The following IQCM variants were observed in gnomAD, a reference collection of about 807,000 sequenced individuals.
The protein encoded by IQCM is IQ motif containing M.
In IQCM, 45 loss-of-function variants were observed where a neutral mutation model predicts 57.6. The observed-to-expected ratio is 0.78, with a 90% confidence interval of 0.62 to 1.00. IQCM has a LOEUF of 1.00. Among genes scored for constraint, IQCM ranks in the 50% least tolerant of loss-of-function variants. The probability of loss-of-function intolerance (pLI) is 0.00; values close to 1 mark genes in which losing one functional copy is unlikely to be tolerated. For missense variants in IQCM, 468 were observed against 511.6 expected, an observed-to-expected ratio of 0.91 and a Z score of 0.82; for synonymous variants, 148 against 158.9, an observed-to-expected ratio of 0.93 and a Z score of 0.51.
At chr4:149,415,293 A>T (rs1578982562) in intron 13 of IQCM, among the ~76,000 whole-genome samples, 1 of 152,180 alleles carries the variant, frequency 6.6e-6, no homozygotes, top group Non-Finnish European at 1.5e-5. Context: ...AATTGATGAT[A>T]CCACTATATG....
At chr4:149,506,649 A>G (rs1435677710) in intron 12 of IQCM, among the ~76,000 whole-genome samples, 1 of 152,232 alleles carries the variant, frequency 6.6e-6, no homozygotes, top group East Asian at 1.9e-4. Context: ...GAATATAAAA[A>G]GCCATAGTAC....
intron 12 of IQCM, among the ~76,000 whole-genome samples, chr4:149,510,439 C>T (rs1278802996): frequency 6.6e-6 from 1 of 152,082 alleles, no homozygotes; most frequent in African/African-American, 2.4e-5. Context: ...CACTGTTTTT[C>T]ACTCTTTTAC....
intron 5 of IQCM, among the ~76,000 whole-genome samples, chr4:149,723,470 T>C (rs1765622871): frequency 6.6e-6 from 1 of 152,022 alleles, no homozygotes; most frequent in Non-Finnish European, 1.5e-5. Flanking sequence ...TTTATATTCT[T>C]AGTTTGTTGA....
chr4:149,778,505 A>G (rs1771315619), intron 2 of IQCM, among the ~76,000 whole-genome samples: 1 of 151,962 alleles, frequency 6.6e-6, no homozygotes, highest in South Asian at 2.1e-4. Flanking sequence ...TTAAATTAAC[A>G]ATTTGAGTTT....
At chr4:149,755,109 A>G (rs1281826566) in intron 2 of IQCM, among the ~76,000 whole-genome samples, 1 of 152,098 alleles carries the variant, frequency 6.6e-6, no homozygotes, top group East Asian at 1.9e-4. Context: ...GCTTCGCAAC[A>G]CCTTTACTAT....
chr4:149,353,425 C>G (rs1190177508), intron 13 of IQCM, among the ~76,000 whole-genome samples: 1 of 152,186 alleles, frequency 6.6e-6, no homozygotes, highest in Non-Finnish European at 1.5e-5. Context: ...AGCAATCCCT[C>G]TTCTGGGCAT....
intron 8 of IQCM, among the ~76,000 whole-genome samples, chr4:149,599,298 T>C (rs1245715565): frequency 1.3e-5 from 2 of 152,200 alleles, no homozygotes; most frequent in South Asian, 2.1e-4. Flanking sequence ...ATCACAAAAA[T>C]ACATTGTTGA....
At chr4:149,354,363 CAA>C (rs70965178) in intron 13 of IQCM, among the ~76,000 whole-genome samples, 35 of 20,254 alleles carry the variant, frequency 1.7e-3, no homozygotes, top group East Asian at 2.3e-3. Context: ...GACTCCGTCT[CAA>C]AAAAAAAAAA....
chr4:149,542,511 T>A (rs1466723468), intron 12 of IQCM, among the ~76,000 whole-genome samples: 1 of 152,066 alleles, frequency 6.6e-6, no homozygotes, highest in African/African-American at 2.4e-5. Flanking sequence ...GCTCTATCAA[T>A]GAGCTTAGAA....
chr4:149,703,795 A>G (rs1159544603), intron 5 of IQCM, among the ~76,000 whole-genome samples: 3 of 151,942 alleles, frequency 2.0e-5, no homozygotes, highest in Admixed American at 1.3e-4. Context: ...AAAGGGATAA[A>G]TGAACTAATG....
At chr4:149,665,985 T>C (rs1053551272) in intron 7 of IQCM, 10 of 152,182 alleles carry the variant, frequency 6.6e-5, no homozygotes, top group African/African-American at 2.4e-4. Flanking sequence ...TCTCAGGCCT[T>C]TGGCCACAGA....
intron 3 of IQCM, among the ~76,000 whole-genome samples, chr4:149,739,392 T>A (rs1219834141): frequency 6.6e-6 from 1 of 151,968 alleles, no homozygotes; most frequent in African/African-American, 2.4e-5. Context: ...TCAATAAATG[T>A]GAGAAATTGT....
intron 2 of IQCM, among the ~76,000 whole-genome samples, chr4:149,749,864 C>G (rs919139061): frequency 7.9e-5 from 12 of 152,164 alleles, no homozygotes; most frequent in Admixed American, 5.2e-4. Flanking sequence ...CCACCAAGAT[C>G]TGTGCTGGAT....
At chr4:149,718,745 A>G (rs915904867) in intron 5 of IQCM, among the ~76,000 whole-genome samples, 2 of 152,148 alleles carry the variant, frequency 1.3e-5, no homozygotes, top group Non-Finnish European at 2.9e-5. Flanking sequence ...GGCGACTGCC[A>G]GACTGGTGTG....
chr4:149,686,191 G>T (rs899892081), intron 6 of IQCM, among the ~76,000 whole-genome samples, 187 bp downstream of exon 6: 10 of 151,326 alleles, frequency 6.6e-5, no homozygotes, highest in Non-Finnish European at 1.5e-4. Context: ...CAGTTCAAAA[G>T]TTAATTGAAC....
chr4:149,438,299 T>C (rs1229124390), intron 12 of IQCM, among the ~76,000 whole-genome samples: 1 of 152,116 alleles, frequency 6.6e-6, no homozygotes, highest in Non-Finnish European at 1.5e-5. Flanking sequence ...TTGTGAATGT[T>C]ATGCATTCAC....
chr4:149,397,750 A>G lies in IQCM; in HGVS notation c.1390+35646T>C, dbSNP rs148803455. On this transcript the variant is annotated intron_variant, in intron 13 of 13. Coordinates refer to ENST00000636793, the MANE Select transcript of IQCM (RefSeq NM_001363507.2). ...AAGTTTTTAGCCCATTTTTAAATCC[A>G]GTTATTAGGGGTTTTTTTTCTTTTT... is the stretch of plus-strand genomic sequence containing the variant. Among the ~76,000 whole-genome samples the G allele has an allele frequency of 7.7e-3, 1,167 of 152,048 alleles. 21 individuals are homozygous for G. The highest frequency in any genetic ancestry group is 0.027 in the African/African-American group (1,110 of 41,510).
At chr4:149,583,911 T>C (rs1752434853) in intron 9 of IQCM, among the ~76,000 whole-genome samples, 1 of 151,400 alleles carries the variant, frequency 6.6e-6, no homozygotes. Context: ...AATATATTAA[T>C]AAAGAAGTAG....
intron 3 of IQCM, among the ~76,000 whole-genome samples, chr4:149,736,778 G>A (rs573243333): frequency 2.0e-5 from 3 of 152,266 alleles, no homozygotes; most frequent in South Asian, 2.1e-4. Flanking sequence ...AAAAGGTATG[G>A]CAATCTCTTT....
Sources: gnomAD v4.1 joint callset for allele counts (sites outside exome capture counted in the v4.1 genomes callset) on GRCh38, gnomAD v4.1.1 for gene constraint, MANE v1.5 for transcripts, NCBI Gene and HGNC (gene_info 2026-07-23, HGNC 2026-07-21) for gene names.